Variants in DENND2C observed in about 807,000 individuals in gnomAD.
DENND2C encodes the protein DENN domain-containing protein 2C.
In DENND2C, 72 loss-of-function variants were observed where a neutral mutation model predicts 112.4. The observed-to-expected ratio is 0.64, with a 90% CI of 0.53 to 0.78. The LOEUF is 0.78. Among genes scored for constraint, DENND2C ranks in the 30% least tolerant of loss-of-function variants. DENND2C has a pLI of 0.00. For missense variants in DENND2C, 992 were observed against 1,113.8 expected (o/e 0.89, Z 1.56); for synonymous variants, 329 against 381.6 (o/e 0.86, Z 1.61).
At chr1:114,630,518 C>CCT (rs1328189529) in intron 3 of DENND2C, among the ~76,000 whole-genome samples, 1,721 of 152,088 alleles carry the variant, frequency 0.011, 27 homozygotes, top group African/African-American at 0.039. Flanking sequence ...TGAGGCAGGT[C>CCT]CTATGATGGC....
chr1:114,638,655 T>G (rs540049306), intron 3 of DENND2C, among the ~76,000 whole-genome samples: 1 of 150,516 alleles, frequency 6.6e-6, no homozygotes, highest in Admixed American at 6.6e-5. Flanking sequence ...CCCAGCTACT[T>G]GGGAGGCTGA....
intron 7 of DENND2C, among the ~76,000 whole-genome samples, chr1:114,620,685 A>T (rs951006813): frequency 6.6e-6 from 1 of 152,162 alleles, no homozygotes; most frequent in Non-Finnish European, 1.5e-5. Flanking sequence ...GACTCTTTTT[A>T]AAAAAATATT....
At position 114,660,879 on chromosome 1, in the gene DENND2C, G is replaced by A. The variant is rs1440255964; in HGVS notation, c.-573-6118C>T. 2.6e-5 allele frequency among the ~76,000 whole-genome samples: 4 copies of A among 152,106 alleles called. No homozygotes were observed. The East Asian group carries it at 5.8e-4, about 22-fold the overall frequency. ...TGTAATCCCTGCACTTTGGGAGGCC[G>A]AGGCAGGCAGATCACAAGGTCAGGA... is the stretch of plus-strand genomic sequence containing the variant. On this transcript the variant is annotated intron_variant, in intron 1 of 20. Transcript: ENST00000393274.
rs150192869 is a variant in DENND2C, at chr1:114,604,970, A to C, written c.1619T>G (p.Phe540Cys). 6.2e-7 allele frequency: 1 copy of C among 1,613,730 alleles called. No individual in the cohort carries two copies. Among genetic ancestry groups the C allele is most frequent in the Non-Finnish European group, 8.5e-7 (1 of 1,179,954 alleles). Residue 540 changes from phenylalanine (F) to cysteine (C), a missense_variant, in exon 11 of 21, where the codon TTT (phenylalanine) becomes TGT (cysteine). By Grantham distance (205) the Phe-to-Cys change is radical. Coordinates refer to ENST00000393274, the MANE Select transcript of DENND2C (RefSeq NM_001256404.2). ...MEERLKVIPK[F>C]CFPDSKDWMP... is the part of the protein sequence containing the mutation. Reference sequence around the variant, plus strand: ...CCAGTCCTTTGAATCAGGAAAACAAAATTTTGGAATAACTTTAAGTCTCTC... The same window carrying C: ...CCAGTCCTTTGAATCAGGAAAACAACATTTTGGAATAACTTTAAGTCTCTC...
chr1:114,597,947 C>A (rs2101645918), intron 16 of DENND2C, among the ~76,000 whole-genome samples: 1 of 152,274 alleles, frequency 6.6e-6, no homozygotes, highest in East Asian at 1.9e-4. Flanking sequence ...ACGCACCCAC[C>A]AGATAGGCTA....
chr1:114,608,764 A>G lies in DENND2C; in HGVS notation c.1479T>C (p.Leu493=). The change falls in exon 10 of 21, where the codon CTT becomes CTC. Residue 493 remains leucine, a synonymous_variant. Transcript: ENST00000393274. ...IELQEQQLFE[L]FVVVSLQKKP... is the part of the protein sequence containing the mutation. ...TCTTCTGTAGAGACACCACCACAAA[A>G]AGTTCAAACAGCTGCTGCTCCTGTA... The G allele has an allele frequency of 6.2e-7, 1 of 1,614,204 alleles. No homozygotes were observed. Among genetic ancestry groups the G allele is most frequent in the Non-Finnish European group, 8.5e-7 (1 of 1,180,046 alleles).
Position 114,595,796 on chromosome 1 carries a change from C to T in DENND2C, c.2325+36G>A, listed in dbSNP as rs200889631. ...CCAATTATCTACAGTAGACATTTAT[C>T]CTAAAACATAAGTAATTACCTCCTT... On this transcript the variant is annotated intron_variant, in intron 17 of 20. Transcript: ENST00000393274. The T allele has an allele frequency of 7.3e-4, 1,162 of 1,583,272 alleles. 7 individuals carry two copies. Among genetic ancestry groups the T allele is most frequent in the South Asian group, 3.6e-3 (327 of 90,272 alleles).
chr1:114,626,510 C>CTTTTTT (rs11412901), intron 3 of DENND2C, among the ~76,000 whole-genome samples: 1 of 122,870 alleles, frequency 8.1e-6, no homozygotes, highest in Non-Finnish European at 1.7e-5. Flanking sequence ...TAAATTAATT[C>CTTTTTT]TTTTTTTTTT....
intron 2 of DENND2C, among the ~76,000 whole-genome samples, chr1:114,648,829 T>C (rs765691004): frequency 7.2e-5 from 11 of 152,192 alleles, no homozygotes; most frequent in Non-Finnish European, 1.2e-4. Context: ...TTCTACAAAA[T>C]GCCACAGTGT....
Position 114,599,314 on chromosome 1 carries a change from G to A in DENND2C, c.2243C>T (p.Ser748Phe). 1 of 1,614,012 alleles carries A rather than the reference G, an allele frequency of 6.2e-7. No individual in the cohort carries two copies. The highest frequency in any genetic ancestry group is 8.5e-7 in the Non-Finnish European group (1 of 1,179,910). ...SPTPFLIGIL[S>F]CSLPQLQDLP... ...GTCCTGGAGCTGTGGTAAGGAGCAA[G>A]ACAGGATTCCAATAAGGAATGGTGT... Residue 748 changes from serine to phenylalanine, a missense_variant, in exon 16 of 21, where the codon TCT becomes TTT. Around this residue, in one of 3 missense-constraint regions of DENND2C, gnomAD observed 516 missense variants for 623.6 expected, o/e 0.83. Coordinates refer to ENST00000393274, the MANE Select transcript of DENND2C (RefSeq NM_001256404.2).
At chr1:114,666,518 C>T (rs1276166061) in intron 1 of DENND2C, among the ~76,000 whole-genome samples, 3 of 152,098 alleles carry the variant, frequency 2.0e-5, no homozygotes, top group Non-Finnish European at 2.9e-5. Flanking sequence ...TGCAGGTGCA[C>T]GACCTCAGCT....
intron 1 of DENND2C, among the ~76,000 whole-genome samples, chr1:114,656,031 G>C (rs1657309492): frequency 6.6e-6 from 1 of 151,726 alleles, no homozygotes; most frequent in East Asian, 1.9e-4. Flanking sequence ...ACTGTTTCCA[G>C]GTTTTGGTTA....
At chr1:114,644,172 C>T (rs1278614978) in intron 3 of DENND2C, among the ~76,000 whole-genome samples, 1 of 152,162 alleles carries the variant, frequency 6.6e-6, no homozygotes, top group African/African-American at 2.4e-5. Flanking sequence ...TTCTTCCTCT[C>T]TCATTTTCTA....
rs371117077 is a variant in DENND2C, at chr1:114,639,073, A to G, written c.-205+6375T>C. On this transcript the variant is annotated intron_variant, in intron 3 of 20. Coordinates refer to ENST00000393274, the MANE Select transcript of DENND2C (RefSeq NM_001256404.2). ...GAGTAGCCAATAAGCACAATAAAGC[A>G]CATGAAAAGATGCACACCATCCTGA... is the stretch of plus-strand genomic sequence containing the variant. Among the ~76,000 whole-genome samples the G allele has an allele frequency of 3.9e-5, 6 of 152,332 alleles. No homozygotes were observed. The East Asian group carries it at 7.7e-4, about 20-fold the overall frequency.
In DENND2C at chr1:114,582,883, T is replaced by C. The variant is rs773611991; in HGVS notation, c.*2717A>G. The C allele has an allele frequency of 4.6e-5, 7 of 152,224 alleles. No individual in the cohort carries two copies. The highest frequency in any genetic ancestry group is 4.6e-4 in the Admixed American group (7 of 15,280). 9.4% of individuals were successfully genotyped at this position (152,224 alleles called of 1,614,324 possible). A position where few individuals can be genotyped will look rare whatever the true frequency, so the allele number is the denominator to read the frequency against. ...GTTTATGTATTTATTCATTAAAAGA[T>C]CTGTAAACAACATTTTATACAAATC... On this transcript the variant is annotated 3_prime_UTR_variant, in exon 21 of 21. Transcript: ENST00000393274.
intron 11 of DENND2C, among the ~76,000 whole-genome samples, chr1:114,603,454 G>A (rs529513451): frequency 1.7e-3 from 255 of 150,270 alleles, no homozygotes; most frequent in African/African-American, 5.9e-3. Context: ...TTTTTTAAGA[G>A]ACTGGGTCTC....
intron 2 of DENND2C, among the ~76,000 whole-genome samples, chr1:114,650,374 T>G (rs1206061218): frequency 6.6e-6 from 1 of 150,940 alleles, no homozygotes; most frequent in Non-Finnish European, 1.5e-5. Flanking sequence ...TTCAAGAATT[T>G]CAGACTATGG....
At chr1:114,616,399 A>C (rs1337826802) in intron 8 of DENND2C, among the ~76,000 whole-genome samples, 1 of 150,248 alleles carries the variant, frequency 6.7e-6, no homozygotes, top group East Asian at 1.9e-4. Flanking sequence ...ATCCAAAAGA[A>C]AAAAAAAAAA....
chr1:114,640,048 G>GC (rs1656780909), intron 3 of DENND2C, among the ~76,000 whole-genome samples: 1 of 152,202 alleles, frequency 6.6e-6, no homozygotes, highest in African/African-American at 2.4e-5. Flanking sequence ...AGCAAAAGCT[G>GC]GGAGAAAGAG....
Sources: allele counts gnomAD v4.1 joint callset (sites outside exome capture counted in the v4.1 genomes callset), GRCh38; gene constraint gnomAD v4.1.1; regional missense constraint gnomAD v4.1.1; transcripts MANE v1.5; gene names NCBI Gene and HGNC (gene_info 2026-07-23, HGNC 2026-07-21).